Variants in CAMTA1 observed in about 807,000 individuals in gnomAD.
CAMTA1 encodes the protein calmodulin binding transcription activator 1.
CAMTA1 carries 27 observed loss-of-function variants against 170.9 expected under a neutral mutation model. The observed-to-expected ratio is 0.16, with a 90% CI of 0.12 to 0.22. CAMTA1 has a LOEUF of 0.22. Ranked by LOEUF, CAMTA1 falls within the 10% of genes least tolerant of loss-of-function variation. The pLI is 1.00. For synonymous variants in CAMTA1, 833 were observed against 891.5 expected (o/e 0.93, Z 1.17); for missense variants, 1,619 against 2,217.2 (o/e 0.73, Z 5.42).
At position 7,234,477 on chromosome 1, in the gene CAMTA1, G is replaced by T. The variant is rs998206444; in HGVS notation, c.303-15014G>T. On this transcript the variant is annotated intron_variant, in intron 4 of 22. Coordinates refer to ENST00000303635, the MANE Select transcript of CAMTA1 (RefSeq NM_015215.4). The surrounding 1 kb of genome is among the most constrained non-coding windows in gnomAD (Gnocchi z 5.0). ...GCGTCATTGTTCTTCCTCCCTACCGGACTGCAAGCTGTGCAGAGGCAGGGC... is the reference window on the plus strand; with the variant it reads ...GCGTCATTGTTCTTCCTCCCTACCGTACTGCAAGCTGTGCAGAGGCAGGGC... 6.6e-6 allele frequency among the ~76,000 whole-genome samples: 1 copy of T among 152,176 alleles called. No individual in the cohort carries two copies. Among genetic ancestry groups the T allele is most frequent in the African/African-American group, 2.4e-5 (1 of 41,436 alleles).
At chr1:6,837,115 G>A (rs978489562) in intron 3 of CAMTA1, among the ~76,000 whole-genome samples, 6 of 151,916 alleles carry the variant, frequency 3.9e-5, no homozygotes, top group South Asian at 2.1e-4. Context: ...CACCATACCC[G>A]GCTAATTTTT....
rs908668031 is a variant in CAMTA1, at chr1:7,044,769, C to G, written c.235-46535C>G. ...ACCCTGCGTGCAGTCCTCCTGCCCC[C>G]CTGCCTGGCGCATCTTTCCCCCTCA... On this transcript the variant is annotated intron_variant, in intron 3 of 22. Transcript: ENST00000303635. This position sits in a 1 kb window ranked among gnomAD's most constrained non-coding sequence, Gnocchi z 5.0. 3.3e-5 allele frequency among the ~76,000 whole-genome samples: 5 copies of G among 151,880 alleles called. No homozygotes were observed. The East Asian group carries it at 5.8e-4, about 18-fold the overall frequency.
chr1:7,468,826 G>A (rs907559695), intron 6 of CAMTA1, among the ~76,000 whole-genome samples: 10 of 152,156 alleles, frequency 6.6e-5, no homozygotes, highest in Non-Finnish European at 1.2e-4. Context: ...CTGACCTGGC[G>A]GGGGTGTAGT....
chr1:7,723,241 G>T (rs780854839), intron 11 of CAMTA1, among the ~76,000 whole-genome samples: 16 of 152,134 alleles, frequency 1.1e-4, no homozygotes, highest in Non-Finnish European at 2.1e-4. Context: ...TGTAATGCCA[G>T]AAAGGAAGGA....
At chr1:7,176,603 T>A (rs1346114822) in intron 4 of CAMTA1, among the ~76,000 whole-genome samples, 1 of 152,202 alleles carries the variant, frequency 6.6e-6, no homozygotes, top group Non-Finnish European at 1.5e-5. Context: ...TCGCACTTTT[T>A]CCTGGTTGCC....
Position 7,248,257 on chromosome 1 carries a change from G to A in CAMTA1, c.303-1234G>A, listed in dbSNP as rs1411223434. ...CAAGAAGAAAAGAAAGGCGCTGGAG[G>A]GTCTTGCCCCAGCCCTGCGGGGGAC... On this transcript the variant is annotated intron_variant, in intron 4 of 22. Transcript: ENST00000303635. The surrounding 1 kb of genome is among the most constrained non-coding windows in gnomAD (Gnocchi z 4.0). Among the ~76,000 whole-genome samples the A allele has an allele frequency of 1.3e-5, 2 of 152,180 alleles. No individual in the cohort carries two copies. Among genetic ancestry groups the A allele is most frequent in the African/African-American group, 4.8e-5 (2 of 41,446 alleles).
At chr1:7,062,309 T>C (rs1333196703) in intron 3 of CAMTA1, among the ~76,000 whole-genome samples, 1 of 152,206 alleles carries the variant, frequency 6.6e-6, no homozygotes, top group Non-Finnish European at 1.5e-5. Context: ...TAATATTGTG[T>C]CATGAGTTAT....
chr1:7,103,374 CACA>C (rs999321408), intron 4 of CAMTA1, among the ~76,000 whole-genome samples: 9 of 149,786 alleles, frequency 6.0e-5, no homozygotes, highest in South Asian at 4.2e-4. Flanking sequence ...CACATATATA[CACA>C]ACTACACACG....
chr1:7,502,465 GT>G (rs1362091249), intron 6 of CAMTA1, among the ~76,000 whole-genome samples: 3 of 152,058 alleles, frequency 2.0e-5, no homozygotes, highest in Non-Finnish European at 2.9e-5. Flanking sequence ...AATTCCAAGT[GT>G]TTGTTTGGTC....
intron 5 of CAMTA1, among the ~76,000 whole-genome samples, chr1:7,414,210 A>G (rs1311700734): frequency 1.3e-5 from 2 of 152,204 alleles, no homozygotes; most frequent in Non-Finnish European, 2.9e-5. Flanking sequence ...ATATTGGTCT[A>G]AAATTCTCTT....
rs559202459 is a variant in CAMTA1 at position 6,829,503 on chromosome 1, A to G, written c.234+4293A>G. Among the ~76,000 whole-genome samples, 13 of 152,334 alleles carry G rather than the reference A, an allele frequency of 8.5e-5. No individual in the cohort carries two copies. In the South Asian group the frequency reaches 2.1e-3, roughly 24 times the overall value. On this transcript the variant is annotated intron_variant, in intron 3 of 22. Transcript: ENST00000303635. ...GGTCCTCAGGTGGTAAAGATGACAC[A>G]AGGAGTGAAGGTGATGATGGCTGCA...
intron 5 of CAMTA1, among the ~76,000 whole-genome samples, chr1:7,308,492 A>G (rs1675944600): frequency 6.6e-6 from 1 of 152,084 alleles, no homozygotes; most frequent in Admixed American, 6.5e-5. Flanking sequence ...TAATAAGATG[A>G]ATTTTCCTCT....
intron 3 of CAMTA1, among the ~76,000 whole-genome samples, chr1:7,039,594 AG>A (rs964423971): frequency 2.6e-5 from 4 of 152,150 alleles, no homozygotes; most frequent in Non-Finnish European, 5.9e-5. Flanking sequence ...ATTTATCTCA[AG>A]GGGCGTTCTA....
At chr1:6,997,660 CTTT>C (rs111887834) in intron 3 of CAMTA1, among the ~76,000 whole-genome samples, 3 of 127,636 alleles carry the variant, frequency 2.4e-5, no homozygotes, top group Admixed American at 8.1e-5. Flanking sequence ...TCTTTTCTTT[CTTT>C]TTTTTTTTTT....
chr1:7,394,706 A>G (rs990555203), intron 5 of CAMTA1, among the ~76,000 whole-genome samples: 2 of 151,564 alleles, frequency 1.3e-5, no homozygotes, highest in Non-Finnish European at 1.5e-5. Flanking sequence ...ATGTAATCCC[A>G]TTTGTCTATT....
At chr1:7,318,129 C>T (rs1407433398) in intron 5 of CAMTA1, among the ~76,000 whole-genome samples, 1 of 152,196 alleles carries the variant, frequency 6.6e-6, no homozygotes, top group Non-Finnish European at 1.5e-5. Flanking sequence ...CAGGGAGGCC[C>T]CATCCCTGGC....
chr1:7,039,692 TGAG>T (rs1704134610), intron 3 of CAMTA1, among the ~76,000 whole-genome samples: 3 of 152,236 alleles, frequency 2.0e-5, no homozygotes, highest in Admixed American at 2.0e-4. Flanking sequence ...GGCAGAAAGA[TGAG>T]GCGCTTAGAT....
At chr1:7,413,282 A>G (rs1327680666) in intron 5 of CAMTA1, among the ~76,000 whole-genome samples, 1 of 152,114 alleles carries the variant, frequency 6.6e-6, no homozygotes. Context: ...GTTTTTTCCA[A>G]TTCTGTGAAG....
intron 22 of CAMTA1, among the ~76,000 whole-genome samples, chr1:7,762,209 A>C (rs1436520921): frequency 6.6e-6 from 1 of 152,242 alleles, no homozygotes; most frequent in Non-Finnish European, 1.5e-5. Flanking sequence ...GCACATACTA[A>C]TTGTAGTGAA....
Sources: gnomAD v4.1 joint callset for allele counts (sites outside exome capture counted in the v4.1 genomes callset) on GRCh38, gnomAD v4.1.1 for gene constraint, Gnocchi (gnomAD v3.1) non-coding constraint, MANE v1.5 for transcripts, NCBI Gene and HGNC (gene_info 2026-07-23, HGNC 2026-07-21) for gene names.